Variants in ROBO1 observed in about 807,000 individuals in gnomAD.
ROBO1 encodes the protein roundabout guidance receptor 1.
In ROBO1, 149 loss-of-function variants were observed where a neutral mutation model predicts 195.9. The observed-to-expected ratio is 0.76, with a 90% CI of 0.67 to 0.87. The LOEUF (loss-of-function observed/expected upper bound fraction) is 0.87, where lower values mean the gene tolerates loss of function less well. ROBO1 is among the 40% of genes least tolerant of loss of function. The pLI, the probability that ROBO1 is intolerant of heterozygous loss-of-function variation, is 0.00. For synonymous variants in ROBO1, 816 were observed against 733.2 expected, an observed-to-expected ratio of 1.11 and a Z score of -1.82; for missense variants, 1,933 against 2,068.3, an observed-to-expected ratio of 0.93 and a Z score of 1.27.
At chr3:79,310,865 TAGTA>T (rs1349984588) in intron 2 of ROBO1, among the ~76,000 whole-genome samples, 17 of 152,342 alleles carry the variant, frequency 1.1e-4, no homozygotes, top group African/African-American at 4.1e-4. Context: ...CAAATATAAC[TAGTA>T]AGTGTTATCA....
chr3:79,357,723 T>C (rs1175577723), intron 2 of ROBO1, among the ~76,000 whole-genome samples: 2 of 152,124 alleles, frequency 1.3e-5, no homozygotes, highest in South Asian at 2.1e-4. Flanking sequence ...TATTGCCAAA[T>C]TGGATTCCTT....
intron 4 of ROBO1, among the ~76,000 whole-genome samples, chr3:78,757,509 TAGG>T (rs1437625764): frequency 6.6e-6 from 1 of 151,810 alleles, no homozygotes; most frequent in Non-Finnish European, 1.5e-5. Flanking sequence ...AGCAGTTAAA[TAGG>T]AGAAGGATTA....
rs547394116 is a variant in ROBO1 at position 79,378,003 on chromosome 3, C to G, written c.88+211821G>C. 2.6e-5 allele frequency among the ~76,000 whole-genome samples: 4 copies of G among 152,216 alleles called. No individual in the cohort carries two copies. In the South Asian group the frequency reaches 8.3e-4, roughly 32 times the overall value. ...TCCTCATGTTCTTGCTCATGCAAGT[C>G]CCTCAACACCCTGCCAACCTCTGCC... On this transcript the variant is annotated intron_variant, in intron 2 of 30. Transcript: ENST00000464233.
chr3:79,315,165 A>G (rs1293677643), intron 2 of ROBO1, among the ~76,000 whole-genome samples: 1 of 152,164 alleles, frequency 6.6e-6, no homozygotes, highest in Non-Finnish European at 1.5e-5. Flanking sequence ...TTCTAGGCCA[A>G]GTGCAGTGAC....
At chr3:79,121,457 A>C (rs2080114720) in intron 3 of ROBO1, among the ~76,000 whole-genome samples, 1 of 151,944 alleles carries the variant, frequency 6.6e-6, no homozygotes, top group Non-Finnish European at 1.5e-5. Flanking sequence ...TTTTAATAAG[A>C]GAATATATTT....
chr3:78,990,218 G>T (rs2077204440), intron 3 of ROBO1, among the ~76,000 whole-genome samples: 1 of 152,070 alleles, frequency 6.6e-6, no homozygotes, highest in Non-Finnish European at 1.5e-5. Flanking sequence ...ATTGTTGATT[G>T]GCGATATGCC....
chr3:78,601,921 C>T (rs78426927), intron 29 of ROBO1, among the ~76,000 whole-genome samples: 15,817 of 151,994 alleles, frequency 0.1, 958 homozygotes, highest in African/African-American at 0.15. Flanking sequence ...TTTTATGAAG[C>T]ACCACAGATA....
chr3:79,075,142 C>T (rs956255030), intron 3 of ROBO1, among the ~76,000 whole-genome samples: 1 of 151,724 alleles, frequency 6.6e-6, no homozygotes, highest in East Asian at 2.0e-4. Context: ...TAAGATGTCT[C>T]ATCAACTTTA....
chr3:79,351,919 C>T (rs969021525), intron 2 of ROBO1, among the ~76,000 whole-genome samples: 2 of 152,054 alleles, frequency 1.3e-5, no homozygotes, highest in East Asian at 1.9e-4. Flanking sequence ...GTATGTGCAA[C>T]CTGTTTTTCC....
intron 3 of ROBO1, among the ~76,000 whole-genome samples, chr3:78,956,103 TC>T (rs1339187542): frequency 6.6e-6 from 1 of 152,110 alleles, no homozygotes; most frequent in Non-Finnish European, 1.5e-5. Flanking sequence ...TAATGCAAAA[TC>T]TAAATTTTAA....
intron 3 of ROBO1, among the ~76,000 whole-genome samples, chr3:79,061,384 C>T (rs2078914542): frequency 6.6e-6 from 1 of 152,166 alleles, no homozygotes; most frequent in South Asian, 2.1e-4. Context: ...ATTCCATGCT[C>T]ATGGATAGGA....
Position 78,928,061 on chromosome 3 carries a change from A to G in ROBO1, c.499+10540T>C, listed in dbSNP as rs116479642. Among the ~76,000 whole-genome samples the G allele has an allele frequency of 3.3e-3, 501 of 152,310 alleles. 4 individuals are homozygous for G. Among genetic ancestry groups the G allele is most frequent in the African/African-American group, 0.011 (476 of 41,578 alleles). ...AATCCTTCCCAAACCTCTATTAGGT[A>G]AGCATAATTCATATCCCCATTTTAC... On this transcript the variant is annotated intron_variant, in intron 4 of 30. Transcript: ENST00000464233.
chr3:78,846,995 C>T (rs1179099206), intron 4 of ROBO1, among the ~76,000 whole-genome samples: 1 of 152,084 alleles, frequency 6.6e-6, no homozygotes, highest in Non-Finnish European at 1.5e-5. Flanking sequence ...GATCTCAACA[C>T]TTAGTACAAT....
At chr3:79,655,801 G>A (rs948822638) in intron 1 of ROBO1, among the ~76,000 whole-genome samples, 12 of 152,052 alleles carry the variant, frequency 7.9e-5, no homozygotes, top group African/African-American at 2.9e-4. Flanking sequence ...ACCGAGATGT[G>A]TTCCCTGTAG....
At chr3:78,858,029 T>G in intron 4 of ROBO1, among the ~76,000 whole-genome samples, 1 of 152,156 alleles carries the variant, frequency 6.6e-6, no homozygotes, top group East Asian at 1.9e-4. Context: ...TTGTCAAGAT[T>G]TGAGACTGAA....
chr3:79,686,377 T>C (rs559258996), intron 1 of ROBO1, among the ~76,000 whole-genome samples: 10 of 152,070 alleles, frequency 6.6e-5, no homozygotes, highest in East Asian at 5.8e-4. Context: ...CCAGGGCAAT[T>C]AGGCAGGAGA....
At chr3:79,020,006 T>C (rs1049500634) in intron 3 of ROBO1, among the ~76,000 whole-genome samples, 2 of 152,320 alleles carry the variant, frequency 1.3e-5, no homozygotes, top group African/African-American at 2.4e-5. Context: ...AGAAAAGATA[T>C]CCAAATCATA....
At chr3:79,137,099 T>G (rs2080425448) in intron 2 of ROBO1, among the ~76,000 whole-genome samples, 3 of 152,088 alleles carry the variant, frequency 2.0e-5, no homozygotes. Context: ...TACGTTTCTT[T>G]CAAAGATAGA....
chr3:78,981,662 G>T (rs552510507), intron 3 of ROBO1, among the ~76,000 whole-genome samples: 1 of 152,062 alleles, frequency 6.6e-6, no homozygotes, highest in East Asian at 1.9e-4. Flanking sequence ...AATACCCGAA[G>T]TATAGCACTT....
Sources: allele counts gnomAD v4.1 joint callset (sites outside exome capture counted in the v4.1 genomes callset), GRCh38; gene constraint gnomAD v4.1.1; transcripts MANE v1.5; gene names NCBI Gene and HGNC (gene_info 2026-07-23, HGNC 2026-07-21).